PCDH15: variants seen among roughly 807,000 people sequenced by gnomAD.
PCDH15 encodes the protein protocadherin-15.
A neutral mutation model predicts 178.5 loss-of-function variants in PCDH15; 129 were observed. That is an observed-to-expected ratio of 0.72 (90% CI 0.63 to 0.84). The LOEUF is 0.84. PCDH15 is among the 40% of genes least tolerant of loss of function. The pLI is 0.00. For synonymous variants in PCDH15, 800 were observed against 732.0 expected (o/e 1.09, Z -1.50); for missense variants, 2,230 against 2,099.9 (o/e 1.06, Z -1.21).
chr10:55,347,325 C>T (rs753654551), intron 2 of PCDH15, among the ~76,000 whole-genome samples: 6 of 151,990 alleles, frequency 3.9e-5, no homozygotes, highest in South Asian at 2.1e-4. Context: ...CTGAGGTAAT[C>T]CTTAGGAAGT....
At chr10:54,452,873 G>C (rs2076568825) in intron 3 of PCDH15, among the ~76,000 whole-genome samples, 1 of 152,086 alleles carries the variant, frequency 6.6e-6, no homozygotes, top group African/African-American at 2.4e-5. Context: ...TTTAGATGCT[G>C]TCCCCAGTTC....
At chr10:54,043,392 T>G (rs1590082085) in intron 18 of PCDH15, among the ~76,000 whole-genome samples, 2 of 152,062 alleles carry the variant, frequency 1.3e-5, no homozygotes, top group South Asian at 4.2e-4. Context: ...TCTCTCTTTC[T>G]CTTTCTTTCT....
At chr10:55,467,473 T>C (rs2132102625) in intron 2 of PCDH15, among the ~76,000 whole-genome samples, 1 of 152,182 alleles carries the variant, frequency 6.6e-6, no homozygotes, top group Non-Finnish European at 1.5e-5. Flanking sequence ...ATGAATATTT[T>C]ATAAACCTTC....
chr10:54,474,904 T>C (rs889924979), intron 3 of PCDH15, among the ~76,000 whole-genome samples: 11 of 151,936 alleles, frequency 7.2e-5, no homozygotes, highest in Admixed American at 7.2e-4. Flanking sequence ...CATAAAACAA[T>C]TTCTTAAAAG....
At chr10:54,141,843 C>T (rs995529585) in intron 14 of PCDH15, among the ~76,000 whole-genome samples, 1 of 152,106 alleles carries the variant, frequency 6.6e-6, no homozygotes, top group East Asian at 1.9e-4. Context: ...AGTACTGTAT[C>T]TAGAAGTAAA....
intron 2 of PCDH15, among the ~76,000 whole-genome samples, chr10:55,131,868 C>T (rs553348250): frequency 1.3e-5 from 2 of 152,300 alleles, no homozygotes; most frequent in South Asian, 4.1e-4. Context: ...TCACTTTGAT[C>T]TGCAGAACTG....
intron 3 of PCDH15, among the ~76,000 whole-genome samples, chr10:54,404,814 C>A (rs561963794): frequency 5.3e-5 from 8 of 151,824 alleles, no homozygotes; most frequent in East Asian, 1.9e-4. Flanking sequence ...AGGAAAAAAA[C>A]CATTAAAAAG....
rs1554869639 is a variant in PCDH15, at chr10:55,442,484, T to TATATAATATATTATATATATATA, written c.-156+185140_-156+185141insTATATATATATAATATATTATAT. On this transcript the variant is annotated intron_variant, in intron 2 of 5. Coordinates refer to the PCDH15 transcript ENST00000613346. ...ATATATATATATTATATATATATTA[T>TATATAATATATTATATATATATA]ATATATATATATATATGTAAGCTGG... Among the ~76,000 whole-genome samples, 557 of 123,058 alleles carry TATATAATATATTATATATATATA rather than the reference T, an allele frequency of 4.5e-3. 2 individuals carry two copies. The highest frequency in any genetic ancestry group is 0.018 in the African/African-American group (532 of 29,404). The allele number at this position is 123,058 out of a possible 152,430, so 80.7% of individuals were successfully genotyped here.
At chr10:54,230,318 T>C (rs2053916493) in intron 9 of PCDH15, among the ~76,000 whole-genome samples, 1 of 151,942 alleles carries the variant, frequency 6.6e-6, no homozygotes, top group African/African-American at 2.4e-5. Flanking sequence ...TGTTCAGTTA[T>C]AAGAACCCAG....
chr10:55,611,572 G>A (rs971943483), intron 2 of PCDH15, among the ~76,000 whole-genome samples: 1 of 151,952 alleles, frequency 6.6e-6, no homozygotes, highest in African/African-American at 2.4e-5. Context: ...AATTAGTGCA[G>A]CCATTATGGA....
At chr10:54,311,096 T>A (rs1015863079) in intron 8 of PCDH15, among the ~76,000 whole-genome samples, 9 of 152,080 alleles carry the variant, frequency 5.9e-5, no homozygotes, top group African/African-American at 2.2e-4. Context: ...CTAGATTTTT[T>A]AAGACAAAGA....
intron 8 of PCDH15, among the ~76,000 whole-genome samples, chr10:54,246,558 A>G (rs1475281214): frequency 6.6e-6 from 1 of 151,942 alleles, no homozygotes; most frequent in Admixed American, 6.6e-5. Context: ...AGATGAATAC[A>G]TCATATTTTA....
chr10:55,307,921 CT>C (rs1475891676), intron 1 of PCDH15, among the ~76,000 whole-genome samples: 4 of 151,932 alleles, frequency 2.6e-5, no homozygotes, highest in Non-Finnish European at 4.4e-5. Context: ...ATAATTTGCT[CT>C]TTTTGAATAA....
chr10:53,810,444 C>A, intron 37 of PCDH15, 112 bp downstream of exon 37: 1 of 912,830 alleles, frequency 1.1e-6, no homozygotes, highest in Non-Finnish European at 1.7e-6. Context: ...GAAATACGTA[C>A]TAAGTGAAAG....
At chr10:54,212,158 T>C (rs1331220609) in intron 10 of PCDH15, among the ~76,000 whole-genome samples, 1 of 152,100 alleles carries the variant, frequency 6.6e-6, no homozygotes, top group African/African-American at 2.4e-5. Context: ...AATTTCTTAA[T>C]TCCCATAGAA....
intron 33 of PCDH15, among the ~76,000 whole-genome samples, chr10:53,819,765 C>T (rs1262144554): frequency 1.3e-5 from 2 of 151,824 alleles, no homozygotes; most frequent in African/African-American, 4.8e-5. Flanking sequence ...AATATTTAGG[C>T]TTGTGTACTC....
At position 55,045,037 on chromosome 10, in the gene PCDH15, C is replaced by A. The variant is rs910800736; in HGVS notation, c.-80+121539G>T. Reference sequence around the variant, plus strand: ...CCATACTCATTCTGTAAACACATCTCAAGTGATACATTTTTACAAAATCTC... The same window carrying A: ...CCATACTCATTCTGTAAACACATCTAAAGTGATACATTTTTACAAAATCTC... On this transcript the variant is annotated intron_variant, in intron 2 of 5. Transcript: ENST00000458638. Among the ~76,000 whole-genome samples, 3 of 152,052 alleles carry A rather than the reference C, an allele frequency of 2.0e-5. 1 individual carries two copies. The highest frequency in any genetic ancestry group is 7.2e-5 in the African/African-American group (3 of 41,432).
chr10:55,100,939 G>T (rs1251888475), intron 2 of PCDH15, among the ~76,000 whole-genome samples: 3 of 152,128 alleles, frequency 2.0e-5, no homozygotes, highest in Admixed American at 6.6e-5. Context: ...TCCTAAAATA[G>T]AAATTATCTT....
At chr10:55,385,893 A>G (rs889777100) in intron 2 of PCDH15, among the ~76,000 whole-genome samples, 48 of 151,238 alleles carry the variant, frequency 3.2e-4, no homozygotes, top group African/African-American at 1.1e-3. Context: ...AAATATCTAT[A>G]TCTACACATA....
Sources: gnomAD v4.1 joint callset for allele counts (sites outside exome capture counted in the v4.1 genomes callset) on GRCh38, gnomAD v4.1.1 for gene constraint, MANE v1.5 for transcripts, NCBI Gene and HGNC (gene_info 2026-07-23, HGNC 2026-07-21) for gene names.